The following MECR variants were observed in gnomAD, a reference collection of about 807,000 sequenced individuals.
MECR encodes the protein mitochondrial trans-2-enoyl-CoA reductase.
A neutral mutation model predicts 49.1 loss-of-function variants in MECR; 37 were observed. The observed-to-expected ratio is 0.75, with a 90% CI of 0.58 to 0.99. MECR has a LOEUF of 0.99. Ranked by LOEUF, MECR falls within the 50% of genes least tolerant of loss-of-function variation. The probability of loss-of-function intolerance (pLI) is 0.00; values close to 1 mark genes in which losing one functional copy is unlikely to be tolerated. For missense variants in MECR, 470 were observed against 479.6 expected, an observed-to-expected ratio of 0.98 and a Z score of 0.19; for synonymous variants, 198 against 191.1, an observed-to-expected ratio of 1.04 and a Z score of -0.30.
intron 1 of MECR, among the ~76,000 whole-genome samples, chr1:29,229,966 G>T (rs549392012): frequency 2.6e-5 from 4 of 152,324 alleles, no homozygotes; most frequent in African/African-American, 7.2e-5. Flanking sequence ...TAAAAGTAAC[G>T]AGAAGTTGAA....
At chr1:29,214,697 G>A (rs986309856) in intron 3 of MECR, among the ~76,000 whole-genome samples, 2 of 152,088 alleles carry the variant, frequency 1.3e-5, no homozygotes, top group East Asian at 1.9e-4. Flanking sequence ...GAGCTGGGTC[G>A]CTGTAAGTTA....
At chr1:29,187,774 C>T (rs1448957993), downstream of MECR, among the ~76,000 whole-genome samples, 4 of 150,440 alleles carry the variant, frequency 2.7e-5, no homozygotes, top group Admixed American at 1.3e-4. Context: ...AGGTGGCTCA[C>T]GCCTGTAATC....
the MECR span, chr1:29,169,215 T>C: frequency 5.3e-5 from 8 of 152,092 alleles, no homozygotes; most frequent in African/African-American, 1.7e-4. Flanking sequence ...CTTAGAGGAG[T>C]TGAGTAACTT....
chr1:29,171,469 C>T, the MECR span: 5,591 of 150,438 alleles, frequency 0.037, 132 homozygotes, highest in Non-Finnish European at 0.056. Context: ...CATTTTGTAA[C>T]CTTGGGCCAG....
At chr1:29,222,169 C>T (rs1043942112) in intron 1 of MECR, among the ~76,000 whole-genome samples, 1 of 152,232 alleles carries the variant, frequency 6.6e-6, no homozygotes, top group Non-Finnish European at 1.5e-5. Flanking sequence ...TCTTGGCTCA[C>T]TGCAAGCTCC....
chr1:29,182,364 TATATG>T, the MECR span, among the ~76,000 whole-genome samples: 2,033 of 152,260 alleles, frequency 0.013, 19 homozygotes, highest in Middle Eastern at 0.076. Context: ...TCTTGAGAAT[TATATG>T]AGAATACGTA....
chr1:29,212,668 C>T (rs145564495), intron 3 of MECR, among the ~76,000 whole-genome samples: 25 of 152,266 alleles, frequency 1.6e-4, no homozygotes, highest in Admixed American at 1.2e-3. Flanking sequence ...CTTGTTTGCC[C>T]ACCTCCTCAC....
Position 29,230,911 on chromosome 1 carries a change from G to C in MECR, c.-5C>G, listed in dbSNP as rs1290440725. On this transcript the variant is annotated 5_prime_UTR_variant, in exon 1 of 10. Coordinates refer to ENST00000263702, the MANE Select transcript of MECR (RefSeq NM_016011.5). The stretch of plus-strand genomic sequence containing the variant: ...CAGGGTACTGCAGACCCACATGCTC[G>C]CTCCAACCAACACAGAGCCTGACGC... 1 of 1,594,690 alleles carries C rather than the reference G, an allele frequency of 6.3e-7. No homozygotes were observed. The highest frequency in any genetic ancestry group is 8.5e-7 in the Non-Finnish European group (1 of 1,174,790).
the MECR span, chr1:29,170,197 A>G: frequency 6.6e-6 from 1 of 152,316 alleles, no homozygotes; most frequent in African/African-American, 2.4e-5. Flanking sequence ...GGAATCAACT[A>G]TTGCCTGATG....
intron 3 of MECR, among the ~76,000 whole-genome samples, chr1:29,208,522 G>A (rs1677165349): frequency 6.6e-6 from 1 of 152,200 alleles, no homozygotes; most frequent in African/African-American, 2.4e-5. Context: ...AAAGAAATGA[G>A]CATCAACTCC....
intron 1 of MECR, among the ~76,000 whole-genome samples, chr1:29,222,241 G>A (rs1435933613): frequency 6.6e-6 from 1 of 152,040 alleles, no homozygotes; most frequent in Non-Finnish European, 1.5e-5. Context: ...TTACAGGTGC[G>A]TGCCACCACG....
chr1:29,222,595 C>T (rs996139011), intron 1 of MECR, among the ~76,000 whole-genome samples: 1 of 152,198 alleles, frequency 6.6e-6, no homozygotes, highest in African/African-American at 2.4e-5. Flanking sequence ...ACAGCCTGCC[C>T]CAAACAGCAG....
At chr1:29,197,027 A>G (rs1192703646) in intron 7 of MECR, among the ~76,000 whole-genome samples, 1 of 152,030 alleles carries the variant, frequency 6.6e-6, no homozygotes. Flanking sequence ...CAACCAAGAA[A>G]CCAGATTCCT....
intron 3 of MECR, among the ~76,000 whole-genome samples, chr1:29,207,805 T>A (rs1676992081): frequency 6.6e-6 from 1 of 152,146 alleles, no homozygotes; most frequent in Non-Finnish European, 1.5e-5. Flanking sequence ...TAAGGGCGAT[T>A]CAGAGAGGCT....
the MECR span, among the ~76,000 whole-genome samples, chr1:29,177,893 A>ATTTT: frequency 0.019 from 1,786 of 93,586 alleles, 125 homozygotes; most frequent in African/African-American, 0.071. Flanking sequence ...ATTACACAAG[A>ATTTT]TTTTTTTTTT....
At chr1:29,187,369 T>C in the MECR span, among the ~76,000 whole-genome samples, 1 of 150,572 alleles carries the variant, frequency 6.6e-6, no homozygotes, top group African/African-American at 2.4e-5. Context: ...TGAGCCACCA[T>C]GCCTGGGTAA....
intron 1 of MECR, among the ~76,000 whole-genome samples, chr1:29,226,952 C>CTTTTTTTT (rs890320572): frequency 2.0e-5 from 2 of 99,722 alleles, no homozygotes; most frequent in Non-Finnish European, 4.0e-5. Flanking sequence ...TGGGAACTAT[C>CTTTTTTTT]TTTTTTTTTT....
chr1:29,226,725 T>C (rs190492351), intron 1 of MECR, among the ~76,000 whole-genome samples: 4 of 152,262 alleles, frequency 2.6e-5, no homozygotes. Flanking sequence ...CTACTTGAGC[T>C]TCAATTTCCT....
rs1244391880 is a variant in MECR at position 29,216,001 on chromosome 1, T to C, written c.406+4A>G. On this transcript the variant is annotated splice_donor_region_variant and intron_variant, in intron 3 of 9. Transcript: ENST00000263702. ...ATAGGCAGCTGACACCTGGAGAAAC[T>C]CACCTAAACCAGCATTTGCTGGAAT... is the stretch of plus-strand genomic sequence containing the variant. 6.2e-7 allele frequency: 1 copy of C among 1,613,798 alleles called. No homozygotes were observed. Among genetic ancestry groups the C allele is most frequent in the Admixed American group, 1.7e-5 (1 of 59,966 alleles).
Sources: allele counts gnomAD v4.1 joint callset (sites outside exome capture counted in the v4.1 genomes callset), GRCh38; gene constraint gnomAD v4.1.1; transcripts MANE v1.5; gene names NCBI Gene and HGNC (gene_info 2026-07-23, HGNC 2026-07-21).